IGFL2: variants seen among roughly 807,000 people sequenced by gnomAD.
IGFL2 encodes insulin growth factor-like family member 2.
A neutral mutation model predicts 13.9 loss-of-function variants in IGFL2; 7 were observed. The observed-to-expected ratio is 0.51, with a 90% CI of 0.29 to 0.95. IGFL2 has a LOEUF of 0.95. Ranked by LOEUF, IGFL2 falls within the 40% of genes least tolerant of loss-of-function variation. The pLI is 0.08. For synonymous variants in IGFL2, 55 were observed against 55.8 expected (o/e 0.99, Z 0.07); for missense variants, 138 against 147.8 (o/e 0.93, Z 0.34).
chr19:46,146,668 A>G (rs1376424850), upstream of IGFL2, among the ~76,000 whole-genome samples: 3 of 152,256 alleles, frequency 2.0e-5, no homozygotes, highest in Middle Eastern at 3.4e-3. Flanking sequence ...GATTTACAGT[A>G]TACCAGTTCA....
At chr19:46,191,308 G>GTAGA in the IGFL2 span, among the ~76,000 whole-genome samples, 11 of 152,248 alleles carry the variant, frequency 7.2e-5, no homozygotes, top group African/African-American at 2.6e-4. Context: ...GGAGGCCGAT[G>GTAGA]TAGACTCCAG....
upstream of IGFL2, among the ~76,000 whole-genome samples, chr19:46,138,681 G>A (rs1461504893): frequency 1.3e-5 from 2 of 152,154 alleles, no homozygotes; most frequent in Non-Finnish European, 2.9e-5. Flanking sequence ...CTGGTGAAAG[G>A]GCTAAGGCAG....
At chr19:46,145,661 A>G (rs1973099182), upstream of IGFL2, among the ~76,000 whole-genome samples, 1 of 149,610 alleles carries the variant, frequency 6.7e-6, no homozygotes, top group African/African-American at 2.5e-5. Context: ...TATTTAATAT[A>G]TATATTTAAA....
the IGFL2 span, among the ~76,000 whole-genome samples, chr19:46,088,114 C>A: frequency 4.5e-4 from 69 of 152,292 alleles, no homozygotes; most frequent in Admixed American, 2.4e-3. Context: ...GCTCGGCAGG[C>A]CACTTCACTT....
chr19:46,197,608 T>TG, the IGFL2 span, among the ~76,000 whole-genome samples: 2 of 152,156 alleles, frequency 1.3e-5, no homozygotes, highest in African/African-American at 4.8e-5. Flanking sequence ...CACAGCTCAC[T>TG]GCAGCCTCAA....
At chr19:46,146,627 T>C (rs900483926), upstream of IGFL2, among the ~76,000 whole-genome samples, 3 of 152,234 alleles carry the variant, frequency 2.0e-5, no homozygotes, top group African/African-American at 7.2e-5. Context: ...TTGAATACTT[T>C]AATCGTACAC....
chr19:46,090,279 C>G, the IGFL2 span, among the ~76,000 whole-genome samples: 1 of 152,088 alleles, frequency 6.6e-6, no homozygotes, highest in African/African-American at 2.4e-5. Flanking sequence ...AATTGTTTCT[C>G]TGTATTTTCT....
chr19:46,146,584 G>A (rs770847546), upstream of IGFL2, among the ~76,000 whole-genome samples: 5 of 152,116 alleles, frequency 3.3e-5, no homozygotes, highest in African/African-American at 4.8e-5. Flanking sequence ...TCCAAACCAC[G>A]ACATGATATA....
intron 1 of IGFL2, chr19:46,149,170 T>A: frequency 1.5e-6 from 1 of 653,312 alleles, no homozygotes; most frequent in Non-Finnish European, 2.8e-6. Flanking sequence ...CTTCTCTCTC[T>A]CTCTCTTCTC....
upstream of IGFL2, among the ~76,000 whole-genome samples, chr19:46,140,478 G>C (rs1269192462): frequency 6.6e-6 from 1 of 152,128 alleles, no homozygotes; most frequent in Non-Finnish European, 1.5e-5. Flanking sequence ...AAGAGTTCAA[G>C]TCTAACGTAG....
At chr19:46,182,387 A>T in the IGFL2 span, among the ~76,000 whole-genome samples, 1 of 151,774 alleles carries the variant, frequency 6.6e-6, no homozygotes, top group Admixed American at 6.6e-5. Flanking sequence ...AAAAAAAAAA[A>T]AAATTCTGGA....
the IGFL2 span, among the ~76,000 whole-genome samples, chr19:46,194,326 G>C: frequency 2.0e-5 from 3 of 152,174 alleles, no homozygotes; most frequent in Admixed American, 2.0e-4. Flanking sequence ...GATATCAGAT[G>C]TGGAAAGGCT....
rs199516546 is a variant in IGFL2 at position 46,160,386 on chromosome 19, A to G, written c.20-29A>G. The G allele has an allele frequency of 1.8e-5, 29 of 1,603,752 alleles. 1 individual carries two copies. In the African/African-American group the frequency reaches 2.7e-4, roughly 15 times the overall value. ...ACCTAGTGGCCACACTTCCAGCCCC[A>G]TCCTTAACCTCCTTTCTTTCTCTCC... On this transcript the variant is annotated intron_variant, in intron 1 of 3. Transcript: ENST00000377693.
At chr19:46,101,658 T>C in the IGFL2 span, among the ~76,000 whole-genome samples, 2 of 152,184 alleles carry the variant, frequency 1.3e-5, no homozygotes, top group African/African-American at 4.8e-5. Context: ...GCAGCCGCAG[T>C]GATGGGAGCT....
At chr19:46,128,785 G>T in the IGFL2 span, among the ~76,000 whole-genome samples, 5 of 152,130 alleles carry the variant, frequency 3.3e-5, no homozygotes, top group African/African-American at 4.8e-5. Flanking sequence ...TGTTCATCAA[G>T]GATATTGGCC....
chr19:46,203,157 C>G, the IGFL2 span: 2 of 152,178 alleles, frequency 1.3e-5, no homozygotes, highest in African/African-American at 4.8e-5. Flanking sequence ...AGGTGGTTAT[C>G]TCTTGTGGGC....
At chr19:46,106,924 A>G in the IGFL2 span, among the ~76,000 whole-genome samples, 1 of 152,052 alleles carries the variant, frequency 6.6e-6, no homozygotes, top group Non-Finnish European at 1.5e-5. Flanking sequence ...CAAGGGGAGG[A>G]TTCGAAGGAG....
At chr19:46,157,934 A>G (rs867565234) in intron 1 of IGFL2, among the ~76,000 whole-genome samples, 3 of 152,246 alleles carry the variant, frequency 2.0e-5, no homozygotes, top group Non-Finnish European at 4.4e-5. Flanking sequence ...TGAGTTTAGC[A>G]AGGTTTCAGA....
At chr19:46,116,617 T>C in the IGFL2 span, among the ~76,000 whole-genome samples, 2 of 152,220 alleles carry the variant, frequency 1.3e-5, no homozygotes, top group Non-Finnish European at 2.9e-5. Context: ...CCCCAAGGAA[T>C]CCTCCTACCT....
Sources: allele counts gnomAD v4.1 joint callset (sites outside exome capture counted in the v4.1 genomes callset), GRCh38; gene constraint gnomAD v4.1.1; transcripts MANE v1.5; gene names NCBI Gene and HGNC (gene_info 2026-07-23, HGNC 2026-07-21).